NAV1: variants seen among roughly 807,000 people sequenced by gnomAD.
The protein encoded by NAV1 is neuron navigator 1, also known as pore membrane and/or filament interacting like protein 3.
In NAV1, 18 loss-of-function variants were observed where a neutral mutation model predicts 175.2. That is an observed-to-expected ratio of 0.10 (90% CI 0.07 to 0.15). The LOEUF is 0.15. Ranked by LOEUF, NAV1 falls within the 10% of genes least tolerant of loss-of-function variation. NAV1 has a pLI of 1.00. For synonymous variants in NAV1, 897 were observed against 978.7 expected (o/e 0.92, Z 1.56); for missense variants, 1,731 against 2,436.6 (o/e 0.71, Z 6.10).
At chr1:201,775,745 A>C (rs916293713) in intron 3 of NAV1, among the ~76,000 whole-genome samples, 5 of 152,356 alleles carry the variant, frequency 3.3e-5, no homozygotes, top group African/African-American at 9.6e-5. Context: ...AATTTTTTAA[A>C]GAAGCCTTGG....
intron 1 of NAV1, among the ~76,000 whole-genome samples, chr1:201,540,624 A>AT (rs1245484290): frequency 6.6e-6 from 1 of 152,118 alleles, no homozygotes; most frequent in Non-Finnish European, 1.5e-5. Context: ...TGCTTATGAC[A>AT]TTTTTTTAAA....
chr1:201,573,328 T>C (rs946641300), intron 1 of NAV1, among the ~76,000 whole-genome samples: 5 of 151,776 alleles, frequency 3.3e-5, no homozygotes, highest in African/African-American at 1.2e-4. Flanking sequence ...TGTGTATGCG[T>C]GTGTGTGTGT....
At chr1:201,773,122 C>G (rs1675703202) in intron 3 of NAV1, among the ~76,000 whole-genome samples, 1 of 151,956 alleles carries the variant, frequency 6.6e-6, no homozygotes, top group Admixed American at 6.6e-5. Flanking sequence ...AGGGATTAAA[C>G]TCAGGTAGTC....
At chr1:201,648,889 G>T in exon 1 of NAV1, 2 of 1,612,662 alleles carry the variant, frequency 1.2e-6, no homozygotes, top group Non-Finnish European at 1.7e-6. Flanking sequence ...AGCGTGGACA[G>T]CCGTGTCCCC....
At chr1:201,721,626 G>A (rs1350853496) in intron 3 of NAV1, among the ~76,000 whole-genome samples, 18 of 152,178 alleles carry the variant, frequency 1.2e-4, no homozygotes, top group Non-Finnish European at 5.9e-5. Flanking sequence ...TAAAGGGGTA[G>A]GACTGTTCCC....
chr1:201,782,445 C>A lies in NAV1; in HGVS notation c.1933C>A (p.Arg645Ser). The A allele has an allele frequency of 6.2e-7, 1 of 1,614,116 alleles. No individual in the cohort carries two copies. The highest frequency in any genetic ancestry group is 8.5e-7 in the Non-Finnish European group (1 of 1,179,964). The change falls in exon 6 of 30, where the codon CGC becomes AGC. Residue 645 changes from arginine (R) to serine (S), a missense_variant. Transcript: ENST00000367296. The surrounding 1 kb of genome is among the most constrained non-coding windows in gnomAD (Gnocchi z 5.4). ...CATCCCTGTCAAGCCAGTAAATGGG[C>A]GCAAGACTAGCTTAGATGTTTCCAA...
chr1:201,796,341 G>A (rs1031264168), intron 15 of NAV1: 2 of 151,990 alleles, frequency 1.3e-5, no homozygotes, highest in Middle Eastern at 3.2e-3. Flanking sequence ...TTGTTTTTTT[G>A]AGATGGAGTC....
At chr1:201,748,002 A>G (rs894729436) in intron 3 of NAV1, among the ~76,000 whole-genome samples, 4 of 152,124 alleles carry the variant, frequency 2.6e-5, no homozygotes, top group African/African-American at 9.7e-5. Flanking sequence ...CTTTGCAGAC[A>G]CCTTCTAGGC....
intron 3 of NAV1, among the ~76,000 whole-genome samples, chr1:201,771,616 A>T (rs1475995863): frequency 6.6e-6 from 1 of 152,086 alleles, no homozygotes; most frequent in African/African-American, 2.4e-5. Flanking sequence ...AGCGGAAGGG[A>T]CATGTCCTTT....
chr1:201,682,762 C>A (rs1261907998), intron 1 of NAV1, among the ~76,000 whole-genome samples: 1 of 151,904 alleles, frequency 6.6e-6, no homozygotes, highest in Non-Finnish European at 1.5e-5. Flanking sequence ...AAGTTCAAGT[C>A]CATGGTGTTC....
Position 201,810,563 on chromosome 1 carries a change from G to A in NAV1, c.4602G>A (p.Thr1534=), listed in dbSNP as rs895537617. 4.3e-6 allele frequency: 7 copies of A among 1,613,252 alleles called. No individual in the cohort carries two copies. Among genetic ancestry groups the A allele is most frequent in the Non-Finnish European group, 5.1e-6 (6 of 1,179,614 alleles). ...GCGTCGACAGCCTGGTGTTCGAGAC[G>A]CTGATCCCCAAGCCGATGATGCAGC... Residue 1534 remains threonine (T), a synonymous_variant, in exon 24 of 30, where the codon ACG becomes ACA. Coordinates refer to ENST00000367296, the Ensembl canonical transcript of NAV1. The surrounding 1 kb of genome is among the most constrained non-coding windows in gnomAD (Gnocchi z 6.0).
At chr1:201,783,823 T>A in exon 7 of NAV1, 1 of 1,612,920 alleles carries the variant, frequency 6.2e-7, no homozygotes, top group Non-Finnish European at 8.5e-7. Flanking sequence ...TGACTTGGAG[T>A]GGAAGCCCCA....
At chr1:201,548,308 A>G (rs1229161439) in intron 1 of NAV1, among the ~76,000 whole-genome samples, 4 of 152,244 alleles carry the variant, frequency 2.6e-5, no homozygotes, top group Admixed American at 2.6e-4. Context: ...CCAAGGCAGG[A>G]GGATTTCTTG....
chr1:201,671,202 C>T (rs1437348108), intron 1 of NAV1, among the ~76,000 whole-genome samples: 1 of 152,086 alleles, frequency 6.6e-6, no homozygotes, highest in Non-Finnish European at 1.5e-5. Context: ...AGAAGTGGTC[C>T]CTGCCTTCCG....
chr1:201,771,158 T>C (rs920309813), intron 3 of NAV1, among the ~76,000 whole-genome samples: 1 of 148,078 alleles, frequency 6.8e-6, no homozygotes, highest in East Asian at 2.0e-4. Flanking sequence ...AAACATCTGG[T>C]GACCCGGGAG....
chr1:201,788,387 A>T lies in NAV1; in HGVS notation c.2996-81A>T. 1 of 1,476,736 alleles carries T rather than the reference A, an allele frequency of 6.8e-7. No individual in the cohort carries two copies. The highest frequency in any genetic ancestry group is 1.1e-5 in the South Asian group (1 of 87,502). 91.5% of individuals were successfully genotyped at this position (1,476,736 alleles called of 1,614,324 possible). A position where few individuals can be genotyped will look rare whatever the true frequency, so the allele number is the denominator to read the frequency against. ...CATGCTCCCGGTGCTCCATCCCCCA[A>T]GGGCCCGGAGAGCTGATGACCCTGC... On this transcript the variant is annotated intron_variant, in intron 9 of 29. Transcript: ENST00000367296. The surrounding 1 kb of genome is among the most constrained non-coding windows in gnomAD (Gnocchi z 5.7).
At chr1:201,730,915 G>T (rs1672828989) in intron 3 of NAV1, among the ~76,000 whole-genome samples, 1 of 152,180 alleles carries the variant, frequency 6.6e-6, no homozygotes, top group Admixed American at 6.5e-5. Flanking sequence ...CAGGCAGAGG[G>T]ACTTACCTAC....
At position 201,813,291 on chromosome 1, in the gene NAV1, A is replaced by C; in HGVS notation, c.5340+33A>C. The C allele has an allele frequency of 7.2e-7, 1 of 1,385,434 alleles. No homozygotes were observed. The highest frequency in any genetic ancestry group is 1.7e-5 in the Admixed American group (1 of 58,106). The allele number at this position is 1,385,434 out of a possible 1,614,324, so 85.8% of individuals were successfully genotyped here. A position where few individuals can be genotyped will look rare whatever the true frequency, so the allele number is the denominator to read the frequency against. On this transcript the variant is annotated intron_variant, in intron 28 of 29. Coordinates refer to ENST00000367296, the Ensembl canonical transcript of NAV1. This position sits in a 1 kb window ranked among gnomAD's most constrained non-coding sequence, Gnocchi z 4.2. ...CTACCCCCTTCACTCAAACCCTAAG[A>C]TCAGGCTGTCCTACCTAACAAAGTA... is the stretch of plus-strand genomic sequence containing the variant.
intron 3 of NAV1, among the ~76,000 whole-genome samples, chr1:201,761,802 CTTT>C (rs2102636081): frequency 6.6e-6 from 1 of 152,284 alleles, no homozygotes; most frequent in Admixed American, 6.5e-5. Flanking sequence ...ACGAATGCTT[CTTT>C]TTTTCTTTTT....
Sources: allele counts gnomAD v4.1 joint callset (sites outside exome capture counted in the v4.1 genomes callset), GRCh38; gene constraint gnomAD v4.1.1; non-coding constraint Gnocchi (gnomAD v3.1); transcripts MANE v1.5; gene names NCBI Gene and HGNC (gene_info 2026-07-23, HGNC 2026-07-21).